The following NMS variants were observed in gnomAD, a reference collection of about 807,000 sequenced individuals.
The protein encoded by NMS is neuromedin S.
A neutral mutation model predicts 32.2 loss-of-function variants in NMS; 30 were observed. That is an observed-to-expected ratio of 0.93 (90% CI 0.70 to 1.26). NMS has a LOEUF of 1.26. Ranked by LOEUF, NMS falls within the 50% of genes most tolerant of loss-of-function variation. The pLI is 0.00. For synonymous variants in NMS, 76 were observed against 58.5 expected (o/e 1.30, Z -1.37); for missense variants, 190 against 186.3 (o/e 1.02, Z -0.12).
rs75619764 is a variant in NMS, at chr2:100,481,900, G to A, written c.415-377G>A. Among the ~76,000 whole-genome samples the A allele has an allele frequency of 2.7e-4, 41 of 152,280 alleles. No individual in the cohort carries two copies. The East Asian group carries it at 7.0e-3, about 26-fold the overall frequency. ...CTTCCCACCACTCTCTCACTCCCAT[G>A]GGTCTGTATGACCTACTCGTTTCCT... On this transcript the variant is annotated intron_variant, in intron 8 of 9. Coordinates refer to ENST00000376865, the MANE Select transcript of NMS (RefSeq NM_001011717.1).
chr2:100,478,445 G>T (rs1677154482), intron 5 of NMS, among the ~76,000 whole-genome samples: 1 of 152,252 alleles, frequency 6.6e-6, no homozygotes, highest in African/African-American at 2.4e-5. Flanking sequence ...TAGGGCTCAG[G>T]TAAGGAGGGG....
chr2:100,473,668 G>GA (rs556127131), intron 3 of NMS, 129 bp downstream of exon 3: 83 of 268,760 alleles, frequency 3.1e-4, no homozygotes, highest in African/African-American at 1.2e-3. Flanking sequence ...TATAATTTTA[G>GA]AAAAAATCAA....
intron 8 of NMS, among the ~76,000 whole-genome samples, chr2:100,481,650 G>C (rs1677218347): frequency 6.6e-6 from 1 of 152,200 alleles, no homozygotes; most frequent in South Asian, 2.1e-4. Flanking sequence ...GAAAAAATGA[G>C]CAAATCAGAC....
intron 3 of NMS, among the ~76,000 whole-genome samples, chr2:100,474,603 A>T (rs1324802900): frequency 6.6e-6 from 1 of 152,240 alleles, no homozygotes; most frequent in East Asian, 1.9e-4. Context: ...GGTAATTGTC[A>T]TAGTATCCCA....
intron 3 of NMS, among the ~76,000 whole-genome samples, chr2:100,474,210 C>T (rs1677062970): frequency 6.6e-6 from 1 of 152,100 alleles, no homozygotes; most frequent in South Asian, 2.1e-4. Flanking sequence ...AGTAACCACA[C>T]AAATATTTCA....
intron 7 of NMS, 100 bp from the exon 8 acceptor site, chr2:100,481,026 G>C: frequency 1.7e-6 from 2 of 1,188,244 alleles, no homozygotes; most frequent in South Asian, 1.2e-5. Flanking sequence ...GGTGCCACTG[G>C]TCTGGGACCA....
chr2:100,481,302 C>A, intron 8 of NMS, 135 bp downstream of exon 8: 1 of 826,708 alleles, frequency 1.2e-6, no homozygotes, highest in Non-Finnish European at 2.1e-6. Flanking sequence ...TCTCATCCTT[C>A]ACTGGGAATC....
At chr2:100,478,251 C>A (rs182213282) in intron 5 of NMS, among the ~76,000 whole-genome samples, 1 of 152,216 alleles carries the variant, frequency 6.6e-6, no homozygotes, top group South Asian at 2.1e-4. Flanking sequence ...CGTGAGCCAC[C>A]ATGCCCAGCC....
At chr2:100,474,336 T>G (rs560804772) in intron 3 of NMS, among the ~76,000 whole-genome samples, 1 of 141,334 alleles carries the variant, frequency 7.1e-6, no homozygotes, top group East Asian at 1.9e-4. Context: ...ATCCCTCACC[T>G]CCCCCAACCC....
chr2:100,471,279 A>G (rs1011993331), intron 1 of NMS, among the ~76,000 whole-genome samples: 2 of 152,222 alleles, frequency 1.3e-5, no homozygotes, highest in African/African-American at 2.4e-5. Context: ...ACATTTTTCC[A>G]TTAGAATTTT....
intron 2 of NMS, 150 bp from the exon 3 acceptor site, chr2:100,473,339 T>C (rs1677041030): frequency 2.9e-6 from 1 of 345,648 alleles, no homozygotes; most frequent in Non-Finnish European, 5.4e-6. Context: ...AGATATCCCA[T>C]AGATTATGGT....
intron 5 of NMS, 83 bp from the exon 6 acceptor site, chr2:100,479,270 G>A: frequency 1.1e-6 from 1 of 936,778 alleles, no homozygotes; most frequent in Non-Finnish European, 1.5e-6. Context: ...TGAGTAGAAA[G>A]AAATGCGCAT....
intron 3 of NMS, among the ~76,000 whole-genome samples, chr2:100,475,200 G>A (rs369099295): frequency 2.0e-5 from 3 of 152,256 alleles, no homozygotes; most frequent in African/African-American, 7.2e-5. Flanking sequence ...ATATTTAAAG[G>A]CATTAATAGA....
chr2:100,470,961 T>C (rs573642535), intron 1 of NMS, among the ~76,000 whole-genome samples: 37 of 152,264 alleles, frequency 2.4e-4, no homozygotes, highest in Non-Finnish European at 4.7e-4. Context: ...AGAGTGGAAA[T>C]TGATGGGCAG....
Position 100,480,546 on chromosome 2 carries a change from T to C in NMS, c.372+15T>C, listed in dbSNP as rs751616261. The C allele has an allele frequency of 1.2e-6, 2 of 1,612,456 alleles. No homozygotes were observed. The highest frequency in any genetic ancestry group is 1.1e-5 in the South Asian group (1 of 90,998). On this transcript the variant is annotated intron_variant, in intron 7 of 9. Transcript: ENST00000376865. ...TCACCAAGAAGGTACACAAGAGCCT[T>C]GGAGACTGCGACCCCCAAAGAAAGC...
At chr2:100,478,110 C>T (rs572848479) in intron 5 of NMS, among the ~76,000 whole-genome samples, 1 of 151,890 alleles carries the variant, frequency 6.6e-6, no homozygotes, top group Non-Finnish European at 1.5e-5. Context: ...TACAGGCATG[C>T]GCCACCATGC....
In NMS at chr2:100,470,567, A is replaced by C. The variant is rs1676989848; in HGVS notation, c.76+3A>C. 1 of 1,611,312 alleles carries C rather than the reference A, an allele frequency of 6.2e-7. No homozygotes were observed. Among genetic ancestry groups the C allele is most frequent in the African/African-American group, 1.3e-5 (1 of 74,842 alleles). On this transcript the variant is annotated splice_donor_region_variant and intron_variant, in intron 1 of 9. Coordinates refer to ENST00000376865, the MANE Select transcript of NMS (RefSeq NM_001011717.1). ...CATGCTACAGATTCCCTCCTCAGGT[A>C]AGGGGAGCTTCCTCAGACTCCATCT...
chr2:100,471,830 C>T (rs1436097969), intron 1 of NMS, among the ~76,000 whole-genome samples: 1 of 152,172 alleles, frequency 6.6e-6, no homozygotes, highest in Non-Finnish European at 1.5e-5. Flanking sequence ...GGGGGAAACA[C>T]AGGATAAGAC....
In NMS at chr2:100,473,725, A is replaced by G. The variant is rs191438758; in HGVS notation, c.183+186A>G. Reference sequence around the variant, plus strand: ...ATGTTAAATATCTTAAGTATCTTCAATATAAATTACTATAAAATATGGGTA... The same window carrying G: ...ATGTTAAATATCTTAAGTATCTTCAGTATAAATTACTATAAAATATGGGTA... On this transcript the variant is annotated intron_variant, in intron 3 of 9. Transcript: ENST00000376865. Among the ~76,000 whole-genome samples, 4 of 151,922 alleles carry G rather than the reference A, an allele frequency of 2.6e-5. No individual in the cohort carries two copies. In the East Asian group the frequency reaches 5.8e-4, roughly 22 times the overall value.
Sources: gnomAD v4.1 joint callset for allele counts (sites outside exome capture counted in the v4.1 genomes callset) on GRCh38, gnomAD v4.1.1 for gene constraint, MANE v1.5 for transcripts, NCBI Gene and HGNC (gene_info 2026-07-23, HGNC 2026-07-21) for gene names.